DMD: variants seen among roughly 807,000 people sequenced by gnomAD.
DMD encodes dystrophin.
A neutral mutation model predicts 330.1 loss-of-function variants in DMD; 63 were observed. The observed-to-expected ratio is 0.19, with a 90% CI of 0.16 to 0.24. DMD has a LOEUF of 0.24. Ranked by LOEUF, DMD falls within the 10% of genes least tolerant of loss-of-function variation. DMD has a pLI of 1.00. For synonymous variants in DMD, 1,223 were observed against 959.8 expected (o/e 1.27, Z -5.07); for missense variants, 3,344 against 2,684.1 (o/e 1.25, Z -5.43).
At chrX:32,798,768 A>G (rs981020158) in intron 7 of DMD, among the ~76,000 whole-genome samples, 2 of 111,894 alleles carry the variant, frequency 1.8e-5, no homozygotes, top group African/African-American at 6.5e-5. Context: ...TCTGAAAACA[A>G]GGTACTCTAT....
At chrX:33,153,081 A>G (rs2048352742) in intron 1 of DMD, among the ~76,000 whole-genome samples, 1 of 112,707 alleles carries the variant, frequency 8.9e-6, no homozygotes. Context: ...CTTTTGGGCT[A>G]CAAATCATTT....
chrX:33,276,308 T>A (rs1036008026), intron 1 of DMD, among the ~76,000 whole-genome samples: 1 of 109,314 alleles, frequency 9.1e-6, no homozygotes, highest in Non-Finnish European at 1.9e-5. Context: ...GGCTGGAGTA[T>A]TTTTTTTTAA....
intron 47 of DMD, among the ~76,000 whole-genome samples, chrX:31,912,151 G>T: frequency 9.0e-6 from 1 of 110,872 alleles, no homozygotes. Flanking sequence ...CTGGTCTCCT[G>T]CTGGCCTGAC....
intron 55 of DMD, among the ~76,000 whole-genome samples, chrX:31,616,453 C>T (rs887944664): frequency 7.2e-5 from 8 of 111,344 alleles, no homozygotes; most frequent in East Asian, 5.6e-4. Flanking sequence ...AGATTGGAAA[C>T]GAGACTCAGG....
intron 60 of DMD, among the ~76,000 whole-genome samples, chrX:31,372,733 A>T (rs1332284106): frequency 9.0e-6 from 1 of 111,470 alleles, no homozygotes; most frequent in Non-Finnish European, 1.9e-5. Context: ...ATGGGCAAAA[A>T]CTGGAAGCAT....
intron 30 of DMD, among the ~76,000 whole-genome samples, chrX:32,403,223 A>G (rs1184889664): frequency 8.9e-6 from 1 of 112,248 alleles, no homozygotes; most frequent in Non-Finnish European, 1.9e-5. Context: ...TCTGTGTGCT[A>G]TCTTTGAAGT....
intron 1 of DMD, among the ~76,000 whole-genome samples, chrX:33,097,677 G>A (rs1212891042): frequency 1.1e-5 from 1 of 93,602 alleles, no homozygotes; most frequent in Non-Finnish European, 2.0e-5. Context: ...GGGCAGTGGT[G>A]TGATCTGGGC....
intron 43 of DMD, among the ~76,000 whole-genome samples, chrX:32,272,563 TGCCATGGAGGCAG>T (rs1467481056): frequency 8.9e-6 from 1 of 112,130 alleles, no homozygotes; most frequent in Non-Finnish European, 1.9e-5. Context: ...CTATGTGAAA[TGCCATGGAGGCAG>T]GCTATGTAGT....
chrX:31,331,316 A>C (rs2057108735), intron 61 of DMD, among the ~76,000 whole-genome samples: 2 of 111,166 alleles, frequency 1.8e-5, no homozygotes, highest in Non-Finnish European at 3.8e-5. Context: ...TCAAGAGTTC[A>C]TACTAAAATT....
intron 43 of DMD, among the ~76,000 whole-genome samples, chrX:32,276,000 C>G (rs980986217): frequency 1.8e-5 from 2 of 111,760 alleles, no homozygotes; most frequent in African/African-American, 6.5e-5. Flanking sequence ...ATCACCAACA[C>G]CACACCTTCC....
At chrX:32,397,021 A>T (rs766462185) in intron 30 of DMD, among the ~76,000 whole-genome samples, 3 of 111,538 alleles carry the variant, frequency 2.7e-5, no homozygotes, top group Non-Finnish European at 5.7e-5. Flanking sequence ...ACAATCTCCT[A>T]TGTAAAAATC....
At position 32,217,080 on chromosome X, in the gene DMD, A is replaced by G; in HGVS notation, c.6291-17T>C. 8.3e-7 allele frequency: 1 copy of G among 1,203,216 alleles called. No homozygotes were observed. The highest frequency in any genetic ancestry group is 1.1e-6 in the Non-Finnish European group (1 of 888,620). On this transcript the variant is annotated splice_polypyrimidine_tract_variant and intron_variant, in intron 43 of 78. Transcript: ENST00000357033. ...TCAAATCGCCTGCAGGTAAAAGCAT[A>G]TGGATCAAGAAAAATAGATGGATTA...
intron 2 of DMD, among the ~76,000 whole-genome samples, chrX:32,889,350 T>C (rs765491449): frequency 2.1e-4 from 23 of 110,821 alleles, no homozygotes; most frequent in Non-Finnish European, 4.0e-4. Context: ...TTCTTGACCG[T>C]ACAGAGATAT....
At chrX:32,118,808 G>A (rs748867011) in intron 44 of DMD, among the ~76,000 whole-genome samples, 80 of 110,522 alleles carry the variant, frequency 7.2e-4, no homozygotes, top group Non-Finnish European at 1.2e-3. Flanking sequence ...CGTGGGAGGC[G>A]ATGGTTTGGG....
intron 43 of DMD, among the ~76,000 whole-genome samples, chrX:32,244,143 C>A (rs139895500): frequency 0.041 from 3,515 of 85,961 alleles, 92 homozygotes; most frequent in Non-Finnish European, 0.061. Flanking sequence ...GTGTGATATT[C>A]CCCTTCCTGT....
At chrX:32,020,391 T>C (rs1569532817) in intron 44 of DMD, among the ~76,000 whole-genome samples, 1 of 112,368 alleles carries the variant, frequency 8.9e-6, no homozygotes, top group African/African-American at 3.2e-5. Context: ...CTTCAGAATA[T>C]AGAAACTGTT....
At chrX:32,375,649 T>G (rs889128238) in intron 34 of DMD, among the ~76,000 whole-genome samples, 12 of 112,018 alleles carry the variant, frequency 1.1e-4, no homozygotes, top group Admixed American at 1.9e-4. Flanking sequence ...CACCCAATTC[T>G]TTTGTCTTTC....
chrX:31,862,059 A>G (rs1401366161), intron 48 of DMD, among the ~76,000 whole-genome samples: 1 of 110,445 alleles, frequency 9.1e-6, no homozygotes, highest in East Asian at 2.8e-4. Context: ...GCTGAAAGAC[A>G]ACAATGCAAC....
chrX:31,967,316 G>A (rs2095359840), intron 45 of DMD, among the ~76,000 whole-genome samples: 1 of 93,446 alleles, frequency 1.1e-5, no homozygotes, highest in Non-Finnish European at 2.1e-5. Context: ...GTGTGTGTGT[G>A]TGTGTGTGTG....
Sources: gnomAD v4.1 joint callset for allele counts (sites outside exome capture counted in the v4.1 genomes callset) on GRCh38, gnomAD v4.1.1 for gene constraint, MANE v1.5 for transcripts, NCBI Gene and HGNC (gene_info 2026-07-23, HGNC 2026-07-21) for gene names.